The following FAM135A variants were observed in gnomAD, a reference collection of about 807,000 sequenced individuals.
FAM135A encodes family with sequence similarity 135 member A.
Under a neutral mutation model 146.8 loss-of-function variants are expected in FAM135A, and 79 were observed. That is an observed-to-expected ratio of 0.54 (90% CI 0.45 to 0.65). FAM135A has a LOEUF of 0.65. Among genes scored for constraint, FAM135A ranks in the 30% least tolerant of loss-of-function variants. The probability of loss-of-function intolerance (pLI) is 0.00; values close to 1 mark genes in which losing one functional copy is unlikely to be tolerated. For synonymous variants in FAM135A, 562 were observed against 603.6 expected, an observed-to-expected ratio of 0.93 and a Z score of 1.01; for missense variants, 1,623 against 1,758.2, an observed-to-expected ratio of 0.92 and a Z score of 1.38.
chr6:70,427,467 G>C (rs1246147214), intron 3 of FAM135A, among the ~76,000 whole-genome samples: 1 of 151,522 alleles, frequency 6.6e-6, no homozygotes, highest in Non-Finnish European at 1.5e-5. Flanking sequence ...CGGAGGCGGG[G>C]ATTGCAGTGA....
At chr6:70,509,320 C>T (rs1312893960) in intron 12 of FAM135A, among the ~76,000 whole-genome samples, 2 of 152,110 alleles carry the variant, frequency 1.3e-5, no homozygotes, top group Non-Finnish European at 2.9e-5. Context: ...AACTCTGCTT[C>T]TATGAGGTTA....
chr6:70,428,999 C>G (rs1020803910), intron 4 of FAM135A, among the ~76,000 whole-genome samples: 2 of 151,978 alleles, frequency 1.3e-5, no homozygotes, highest in Admixed American at 1.3e-4. Flanking sequence ...TGGCTAAGAT[C>G]AATAAGTATG....
intron 5 of FAM135A, among the ~76,000 whole-genome samples, chr6:70,470,767 C>T (rs1781475026): frequency 6.6e-6 from 1 of 152,206 alleles, no homozygotes; most frequent in African/African-American, 2.4e-5. Context: ...GGCTGGCTAT[C>T]ACACAGTGAG....
chr6:70,435,796 A>G (rs187452941), intron 4 of FAM135A, among the ~76,000 whole-genome samples: 1 of 152,356 alleles, frequency 6.6e-6, no homozygotes, highest in East Asian at 1.9e-4. Flanking sequence ...TAAGAGTCAG[A>G]AATTCAGCTG....
chr6:70,463,433 A>C (rs1270402467), intron 5 of FAM135A, among the ~76,000 whole-genome samples: 1 of 151,476 alleles, frequency 6.6e-6, no homozygotes, highest in African/African-American at 2.4e-5. Flanking sequence ...AAAAAAAAAA[A>C]AATTTGTAGA....
chr6:70,550,303 G>T (rs1799583323), intron 20 of FAM135A, among the ~76,000 whole-genome samples: 1 of 152,136 alleles, frequency 6.6e-6, no homozygotes, highest in South Asian at 2.1e-4. Flanking sequence ...ACTTTGCTCA[G>T]ATCCATCAAA....
intron 5 of FAM135A, among the ~76,000 whole-genome samples, chr6:70,464,044 TCTTA>T (rs72311952): frequency 0.13 from 19,788 of 152,214 alleles, 1,517 homozygotes; most frequent in Middle Eastern, 0.19. Context: ...TGGGCAGAGT[TCTTA>T]CTTATGTTCA....
chr6:70,463,419 T>TAA (rs80004977), intron 5 of FAM135A, among the ~76,000 whole-genome samples: 18,591 of 142,032 alleles, frequency 0.13, 1,373 homozygotes, highest in Middle Eastern at 0.19. Flanking sequence ...CTGGCCTAAT[T>TAA]AAAAAAAAAA....
chr6:70,510,998 A>G (rs1380554591), intron 12 of FAM135A, among the ~76,000 whole-genome samples: 1 of 151,930 alleles, frequency 6.6e-6, no homozygotes, highest in Non-Finnish European at 1.5e-5. Flanking sequence ...TGGTATTTTC[A>G]TTGTAGCTTT....
intron 2 of FAM135A, among the ~76,000 whole-genome samples, chr6:70,426,108 TC>T (rs1770055185): frequency 8.0e-6 from 1 of 125,764 alleles, no homozygotes; most frequent in Admixed American, 8.1e-5. Context: ...AGACTCCGTC[TC>T]AAAAAAAAAA....
intron 12 of FAM135A, among the ~76,000 whole-genome samples, chr6:70,516,537 T>C (rs1328777282): frequency 2.9e-4 from 40 of 137,880 alleles, no homozygotes; most frequent in African/African-American, 9.5e-4. Flanking sequence ...TTTCTTTTTT[T>C]TTTTTTTTTT....
intron 20 of FAM135A, among the ~76,000 whole-genome samples, chr6:70,547,948 T>C (rs565756469): frequency 6.6e-6 from 1 of 152,328 alleles, no homozygotes; most frequent in East Asian, 1.9e-4. Context: ...CTTGAGGGGC[T>C]CAGTGAAGTA....
At chr6:70,445,211 C>T (rs1775424235) in intron 4 of FAM135A, among the ~76,000 whole-genome samples, 1 of 152,216 alleles carries the variant, frequency 6.6e-6, no homozygotes, top group South Asian at 2.1e-4. Context: ...CGCCCATTTA[C>T]TTACTTTGTT....
chr6:70,536,487 A>G (rs1342164858), intron 19 of FAM135A, 76 bp downstream of exon 19: 8 of 1,231,296 alleles, frequency 6.5e-6, no homozygotes, highest in African/African-American at 1.6e-5. Flanking sequence ...TCTGGTGTTT[A>G]TTTTAGAACC....
At chr6:70,479,049 T>A (rs1783190317) in intron 8 of FAM135A, among the ~76,000 whole-genome samples, 1 of 152,186 alleles carries the variant, frequency 6.6e-6, no homozygotes, top group South Asian at 2.1e-4. Flanking sequence ...AAATCTCTTC[T>A]TTTTGTAGTT....
At chr6:70,473,876 C>T (rs1379652686) in intron 5 of FAM135A, among the ~76,000 whole-genome samples, 3 of 152,166 alleles carry the variant, frequency 2.0e-5, no homozygotes, top group South Asian at 4.1e-4. Flanking sequence ...CACCCTGTAC[C>T]AGGCTGCTCC....
rs1438691678 is a variant in FAM135A, at chr6:70,560,016, A to G, written c.*95A>G. Reference sequence around the variant, plus strand: ...AATGTAGATGCTGATAAGTTCTAAGAAATATTTATACCTTTTTATATGGAA... The same window carrying G: ...AATGTAGATGCTGATAAGTTCTAAGGAATATTTATACCTTTTTATATGGAA... On this transcript the variant is annotated 3_prime_UTR_variant, in exon 22 of 22. Transcript: ENST00000418814. 1.0e-6 allele frequency: 1 copy of G among 955,510 alleles called. No homozygotes were observed. Among genetic ancestry groups the G allele is most frequent in the African/African-American group, 1.7e-5 (1 of 60,320 alleles). The allele number at this position is 955,510 out of a possible 1,614,324, so 59.2% of individuals were successfully genotyped here.
In FAM135A at chr6:70,556,867, A is replaced by C; in HGVS notation, c.4342+4A>C. ...GCTTTAAAGGACAAACAGTCAGGTAATGGAATAAAATTATTTCAAAGAGTT... is the reference window on the plus strand; with the variant it reads ...GCTTTAAAGGACAAACAGTCAGGTACTGGAATAAAATTATTTCAAAGAGTT... On this transcript the variant is annotated splice_donor_region_variant and intron_variant, in intron 21 of 21. Coordinates refer to ENST00000418814, the MANE Select transcript of FAM135A (RefSeq NM_001162529.3). The C allele has an allele frequency of 6.2e-7, 1 of 1,610,742 alleles. No homozygotes were observed. Among genetic ancestry groups the C allele is most frequent in the Non-Finnish European group, 8.5e-7 (1 of 1,177,998 alleles).
chr6:70,523,766 A>G (rs1370663003), intron 13 of FAM135A, among the ~76,000 whole-genome samples: 1 of 152,188 alleles, frequency 6.6e-6, no homozygotes, highest in East Asian at 1.9e-4. Flanking sequence ...GTAATTTAAT[A>G]AGTCAATAAT....
Sources: gnomAD v4.1 joint callset for allele counts (sites outside exome capture counted in the v4.1 genomes callset) on GRCh38, gnomAD v4.1.1 for gene constraint, MANE v1.5 for transcripts, NCBI Gene and HGNC (gene_info 2026-07-23, HGNC 2026-07-21) for gene names.